Variants in WWP1 observed in about 807,000 individuals in gnomAD.
WWP1 encodes WW domain containing E3 ubiquitin protein ligase 1.
A neutral mutation model predicts 130.6 loss-of-function variants in WWP1; 49 were observed. The ratio of observed to expected loss-of-function variants is 0.38; its 90% CI spans 0.30 to 0.48. The LOEUF (loss-of-function observed/expected upper bound fraction) is 0.48. Ranked by LOEUF, WWP1 falls within the 20% of genes least tolerant of loss-of-function variation. WWP1 has a pLI of 0.99. For missense variants in WWP1, 809 were observed against 1,100.6 expected (o/e 0.74, Z 3.75); for synonymous variants, 332 against 367.8 (o/e 0.90, Z 1.11).
intron 5 of WWP1, among the ~76,000 whole-genome samples, chr8:86,388,630 GTCAT>G (rs1825429008): frequency 6.6e-6 from 1 of 151,812 alleles, no homozygotes; most frequent in South Asian, 2.1e-4. Flanking sequence ...GATACTGTTA[GTCAT>G]TCATTTCTTT....
intron 5 of WWP1, among the ~76,000 whole-genome samples, chr8:86,388,688 ATTT>A (rs1825431328): frequency 6.6e-6 from 1 of 151,886 alleles, no homozygotes; most frequent in Non-Finnish European, 1.5e-5. Flanking sequence ...TTTCCATTGT[ATTT>A]TTAGTTTTCA....
At chr8:86,352,293 C>T (rs1323709523) in intron 1 of WWP1, among the ~76,000 whole-genome samples, 5 of 151,922 alleles carry the variant, frequency 3.3e-5, no homozygotes, top group African/African-American at 1.2e-4. Context: ...GGCGCTATCT[C>T]GGCTCACTGC....
chr8:86,454,660 C>G (rs1368136402), intron 21 of WWP1, among the ~76,000 whole-genome samples: 3 of 151,994 alleles, frequency 2.0e-5, no homozygotes, highest in Non-Finnish European at 2.9e-5. Context: ...GAGGTGCACT[C>G]AGAGAGGGAT....
In WWP1 at chr8:86,342,929, G is replaced by T; in HGVS notation, c.-116G>T. The T allele has an allele frequency of 2.9e-6, 1 of 347,682 alleles. No homozygotes were observed. The highest frequency in any genetic ancestry group is 5.2e-6 in the Non-Finnish European group (1 of 193,024). The allele number at this position is 347,682 out of a possible 1,614,324, so 21.5% of individuals were successfully genotyped here. The stretch of plus-strand genomic sequence containing the variant: ...TGCCGGGAGCCGACAGCTTCGCGCC[G>T]GGTAAGGACGGCGCGGCGCGGGGCT... On this transcript the variant is annotated splice_region_variant and 5_prime_UTR_variant, in exon 1 of 25. Transcript: ENST00000517970.
intron 2 of WWP1, among the ~76,000 whole-genome samples, chr8:86,372,314 G>A (rs1405679131): frequency 1.3e-5 from 2 of 151,920 alleles, no homozygotes; most frequent in South Asian, 2.1e-4. Flanking sequence ...GAGCCACCGC[G>A]CCCGGCCTAA....
intron 16 of WWP1, among the ~76,000 whole-genome samples, chr8:86,438,180 T>C (rs1394856494): frequency 6.6e-6 from 1 of 152,208 alleles, no homozygotes; most frequent in African/African-American, 2.4e-5. Flanking sequence ...AAAATACATA[T>C]ACTGTTCATT....
intron 14 of WWP1, among the ~76,000 whole-genome samples, chr8:86,433,950 A>G (rs912474858): frequency 6.6e-6 from 1 of 151,682 alleles, no homozygotes; most frequent in African/African-American, 2.4e-5. Flanking sequence ...ATCATCCACA[A>G]CTCCTCTATC....
At position 86,342,729 on chromosome 8, in the gene WWP1, T is replaced by G. The variant is rs940946772; in HGVS notation, c.-316T>G. The G allele has an allele frequency of 4.6e-4, 109 of 238,800 alleles. No homozygotes were observed. The highest frequency in any genetic ancestry group is 1.1e-3 in the South Asian group (4 of 3,574). 14.8% of individuals were successfully genotyped at this position (238,800 alleles called of 1,614,324 possible). Reference sequence around the variant, plus strand: ...GGACGGGGTGGGGGTGGGGGGAGGGTCGGGTGTCGGCGAGCTCCGCGTGCG... The same window carrying G: ...GGACGGGGTGGGGGTGGGGGGAGGGGCGGGTGTCGGCGAGCTCCGCGTGCG... On this transcript the variant is annotated 5_prime_UTR_variant, in exon 1 of 25. Transcript: ENST00000517970.
intron 5 of WWP1, among the ~76,000 whole-genome samples, chr8:86,391,847 A>C (rs1250247374): frequency 6.6e-6 from 1 of 152,162 alleles, no homozygotes; most frequent in African/African-American, 2.4e-5. Flanking sequence ...CAAAAGCCCT[A>C]TCCTTCCCAA....
chr8:86,384,133 A>G (rs1825148629), intron 5 of WWP1, among the ~76,000 whole-genome samples: 1 of 152,172 alleles, frequency 6.6e-6, no homozygotes, highest in African/African-American at 2.4e-5. Context: ...GACACCAGTC[A>G]TTGGATTAGG....
chr8:86,461,869 C>G (rs370222426), intron 24 of WWP1, 23 bp downstream of exon 24: 3 of 1,576,802 alleles, frequency 1.9e-6, no homozygotes, highest in Admixed American at 1.7e-5. Flanking sequence ...ATCCTAAATA[C>G]GAAGGTGAAA....
At chr8:86,389,216 G>T (rs1825468809) in intron 5 of WWP1, among the ~76,000 whole-genome samples, 1 of 151,620 alleles carries the variant, frequency 6.6e-6, no homozygotes, top group African/African-American at 2.4e-5. Flanking sequence ...GGGGGATTTG[G>T]CAGGGTCATA....
At chr8:86,456,005 G>A (rs1239660573) in intron 21 of WWP1, among the ~76,000 whole-genome samples, 1 of 151,888 alleles carries the variant, frequency 6.6e-6, no homozygotes, top group Non-Finnish European at 1.5e-5. Flanking sequence ...ATATTTCAAC[G>A]TGGAAAGGGA....
Position 86,370,514 on chromosome 8 carries a change from T to C in WWP1, c.-22+1483T>C, listed in dbSNP as rs1459752909. On this transcript the variant is annotated intron_variant, in intron 2 of 24. Transcript: ENST00000517970. ...TTGGCTGTTTGGACCTTAGCAGTTC[T>C]TTACTGGGCTTCTGTAATTGTTCGT... Among the ~76,000 whole-genome samples the C allele has an allele frequency of 3.9e-5, 6 of 152,314 alleles. No homozygotes were observed. The South Asian group carries it at 1.0e-3, about 26-fold the overall frequency.
At chr8:86,392,319 C>T (rs2130446225) in intron 5 of WWP1, among the ~76,000 whole-genome samples, 1 of 152,288 alleles carries the variant, frequency 6.6e-6, no homozygotes, top group South Asian at 2.1e-4. Flanking sequence ...GTATAGCTAA[C>T]ATACACATTA....
intron 1 of WWP1, 173 bp downstream of exon 1, chr8:86,343,103 G>A (rs774494839): frequency 1.0e-4 from 27 of 262,138 alleles, no homozygotes; most frequent in Non-Finnish European, 1.4e-4. Flanking sequence ...TCTCCAGCCC[G>A]GGAGTCGGGA....
Position 86,430,568 on chromosome 8 carries a change from C to T in WWP1, c.1333-129C>T, listed in dbSNP as rs534435122. On this transcript the variant is annotated intron_variant, in intron 11 of 24. Transcript: ENST00000517970. ...CTGAGATTACAGGCATGAGCCACTG[C>T]GCCCAACCCCTTATCATATTTTTAG... 1.8e-3 allele frequency: 1,099 copies of T among 606,744 alleles called. 6 individuals carry two copies. The highest frequency in any genetic ancestry group is 3.2e-3 in the Admixed American group (90 of 28,214). 37.6% of individuals were successfully genotyped at this position (606,744 alleles called of 1,614,324 possible).
At chr8:86,392,913 C>G (rs950688623) in intron 5 of WWP1, among the ~76,000 whole-genome samples, 111 of 152,248 alleles carry the variant, frequency 7.3e-4, no homozygotes, top group African/African-American at 2.6e-3. Context: ...GGAAGTTCAG[C>G]TGCCTTTCTG....
rs193005395 is a variant in WWP1, at chr8:86,390,940, A to G, written c.335-7402A>G. Among the ~76,000 whole-genome samples, 137 of 152,082 alleles carry G rather than the reference A, an allele frequency of 9.0e-4. 1 individual carries two copies. Among genetic ancestry groups the G allele is most frequent in the Admixed American group, 5.9e-3 (90 of 15,282 alleles). ...TCGTATATTTCATGGTTTTTCATCTATCTTTTCTGATATATTTGGGGTAAT... is the reference window on the plus strand; with the variant it reads ...TCGTATATTTCATGGTTTTTCATCTGTCTTTTCTGATATATTTGGGGTAAT... On this transcript the variant is annotated intron_variant, in intron 5 of 24. Coordinates refer to ENST00000517970, the MANE Select transcript of WWP1 (RefSeq NM_007013.4).
Sources: gnomAD v4.1 joint callset for allele counts (sites outside exome capture counted in the v4.1 genomes callset) on GRCh38, gnomAD v4.1.1 for gene constraint, MANE v1.5 for transcripts, NCBI Gene and HGNC (gene_info 2026-07-23, HGNC 2026-07-21) for gene names.